The following INSYN2B variants were observed in gnomAD, a reference collection of about 807,000 sequenced individuals.
INSYN2B encodes protein INSYN2B.
A neutral mutation model predicts 41.2 loss-of-function variants in INSYN2B; 16 were observed. That is an observed-to-expected ratio of 0.39 (90% confidence interval 0.26 to 0.59). The LOEUF (loss-of-function observed/expected upper bound fraction) is 0.59, where lower values mean the gene tolerates loss of function less well. INSYN2B is among the 20% of genes least tolerant of loss of function. INSYN2B has a pLI of 0.57. For synonymous variants in INSYN2B, 245 were observed against 244.4 expected (o/e 1.00, Z -0.02); for missense variants, 608 against 646.4 (o/e 0.94, Z 0.64).
At chr5:169,951,031 G>A (rs969356640) in intron 1 of INSYN2B, among the ~76,000 whole-genome samples, 17 of 152,188 alleles carry the variant, frequency 1.1e-4, no homozygotes, top group African/African-American at 3.1e-4. Flanking sequence ...ATTAGCCAGC[G>A]TCACCGGTCC....
At chr5:169,956,377 A>T (rs950734605) in intron 1 of INSYN2B, among the ~76,000 whole-genome samples, 5 of 152,178 alleles carry the variant, frequency 3.3e-5, no homozygotes, top group African/African-American at 1.2e-4. Flanking sequence ...GCTGCTCCTG[A>T]TCTCATGGGG....
At chr5:169,925,885 C>A (rs1342255028) in intron 1 of INSYN2B, among the ~76,000 whole-genome samples, 1 of 152,152 alleles carries the variant, frequency 6.6e-6, no homozygotes, top group African/African-American at 2.4e-5. Context: ...TGTTCCCTGG[C>A]AGCTGGGCCT....
chr5:169,880,812 C>T (rs987335355), intron 3 of INSYN2B, among the ~76,000 whole-genome samples: 3 of 152,128 alleles, frequency 2.0e-5, no homozygotes, highest in African/African-American at 7.2e-5. Context: ...ATCATGTTTC[C>T]CTTTTGTCAC....
Position 169,905,480 on chromosome 5 carries a change from T to G in INSYN2B, c.-918-20664A>C, listed in dbSNP as rs752272520. On this transcript the variant is annotated intron_variant, in intron 1 of 3. Transcript: ENST00000377365. ...GTGGTTTAAAATTGGGTCCTCAGTA[T>G]AAATAGCTCGAGGCTGCCAGGCAGA... Among the ~76,000 whole-genome samples the G allele has an allele frequency of 4.6e-5, 7 of 152,320 alleles. No homozygotes were observed. In the East Asian group the frequency reaches 1.2e-3, roughly 25 times the overall value.
At chr5:169,954,712 T>G (rs1487291987) in intron 1 of INSYN2B, among the ~76,000 whole-genome samples, 1 of 152,234 alleles carries the variant, frequency 6.6e-6, no homozygotes, top group East Asian at 1.9e-4. Flanking sequence ...TTGTTGTTGT[T>G]TGTTTATTTG....
chr5:169,912,607 G>A (rs1467898972), intron 1 of INSYN2B, among the ~76,000 whole-genome samples: 2 of 136,420 alleles, frequency 1.5e-5, no homozygotes, highest in African/African-American at 6.0e-5. Flanking sequence ...GTGCCACTGT[G>A]TGTGGTGGAG....
chr5:169,920,396 G>A (rs924227439), intron 1 of INSYN2B, among the ~76,000 whole-genome samples: 1 of 152,190 alleles, frequency 6.6e-6, no homozygotes, highest in Non-Finnish European at 1.5e-5. Flanking sequence ...AATACTTTCT[G>A]AGAGTTGTTG....
At chr5:169,929,384 G>A (rs930709615) in intron 1 of INSYN2B, among the ~76,000 whole-genome samples, 4 of 151,980 alleles carry the variant, frequency 2.6e-5, no homozygotes, top group African/African-American at 4.8e-5. Flanking sequence ...AGCGAATCCC[G>A]GCAAACGATA....
At chr5:169,947,227 C>G (rs1321307035) in intron 1 of INSYN2B, among the ~76,000 whole-genome samples, 1 of 152,222 alleles carries the variant, frequency 6.6e-6, no homozygotes, top group Non-Finnish European at 1.5e-5. Context: ...GTACTCTTAA[C>G]CTGTACATTA....
intron 1 of INSYN2B, among the ~76,000 whole-genome samples, chr5:169,933,041 G>C (rs1775829278): frequency 6.6e-6 from 1 of 152,196 alleles, no homozygotes; most frequent in African/African-American, 2.4e-5. Context: ...GGTATTGGCA[G>C]GCAAAATTAT....
chr5:169,904,182 C>T (rs947396225), intron 1 of INSYN2B, among the ~76,000 whole-genome samples: 5 of 150,878 alleles, frequency 3.3e-5, no homozygotes, highest in Non-Finnish European at 5.9e-5. Context: ...TGGGTAAAAG[C>T]AGCATACTGA....
At chr5:169,908,681 A>G (rs143416325) in intron 1 of INSYN2B, among the ~76,000 whole-genome samples, 2,212 of 150,210 alleles carry the variant, frequency 0.015, 54 homozygotes, top group African/African-American at 0.051. Flanking sequence ...TTCATTTTAC[A>G]GGTTTCAATG....
intron 1 of INSYN2B, among the ~76,000 whole-genome samples, chr5:169,924,245 G>A (rs1775323721): frequency 6.6e-6 from 1 of 152,216 alleles, no homozygotes; most frequent in Non-Finnish European, 1.5e-5. Flanking sequence ...CTCTGGCCCT[G>A]AGCTGGGAGT....
At chr5:169,899,957 A>G (rs1372124797) in intron 1 of INSYN2B, among the ~76,000 whole-genome samples, 1 of 152,180 alleles carries the variant, frequency 6.6e-6, no homozygotes, top group Non-Finnish European at 1.5e-5. Flanking sequence ...TCCTTCCACT[A>G]AGATCATGAG....
At position 169,864,207 on chromosome 5, in the gene INSYN2B, T is replaced by G; in HGVS notation, c.*66A>C. On this transcript the variant is annotated 3_prime_UTR_variant, in exon 4 of 4. Transcript: ENST00000377365. Reference sequence around the variant, plus strand: ...GCAAAGAAGCAGGGCAGGCCTTAAGTGCAGTGGATTTCCCATCTCAGGGAA... The same window carrying G: ...GCAAAGAAGCAGGGCAGGCCTTAAGGGCAGTGGATTTCCCATCTCAGGGAA... 2 of 1,367,776 alleles carry G rather than the reference T, an allele frequency of 1.5e-6. No homozygotes were observed. Among genetic ancestry groups the G allele is most frequent in the Non-Finnish European group, 2.0e-6 (2 of 980,712 alleles). 84.7% of individuals were successfully genotyped at this position (1,367,776 alleles called of 1,614,324 possible).
intron 1 of INSYN2B, among the ~76,000 whole-genome samples, chr5:169,909,542 C>T (rs1247845816): frequency 1.3e-5 from 2 of 152,160 alleles, no homozygotes; most frequent in Admixed American, 6.5e-5. Context: ...TTATGTCAGT[C>T]CTGCAAGGTG....
chr5:169,939,088 T>A (rs1776121616), intron 1 of INSYN2B, among the ~76,000 whole-genome samples: 2 of 152,152 alleles, frequency 1.3e-5, no homozygotes, highest in South Asian at 2.1e-4. Context: ...GTATTTTTAG[T>A]AGAGACGGGG....
At chr5:169,907,509 G>T (rs1160641514) in intron 1 of INSYN2B, among the ~76,000 whole-genome samples, 2 of 152,184 alleles carry the variant, frequency 1.3e-5, no homozygotes, top group African/African-American at 2.4e-5. Flanking sequence ...TAATGATAAT[G>T]GTAACCACCA....
chr5:169,881,681 G>T (rs903872381), intron 2 of INSYN2B, among the ~76,000 whole-genome samples: 1 of 152,192 alleles, frequency 6.6e-6, no homozygotes, highest in Non-Finnish European at 1.5e-5. Flanking sequence ...CAACAATCCT[G>T]TTGTGAGATG....
Sources: gnomAD v4.1 joint callset for allele counts (sites outside exome capture counted in the v4.1 genomes callset) on GRCh38, gnomAD v4.1.1 for gene constraint, MANE v1.5 for transcripts, NCBI Gene and HGNC (gene_info 2026-07-23, HGNC 2026-07-21) for gene names.